Variants in TGIF1 observed in about 807,000 individuals in gnomAD.
TGIF1 encodes the protein homeobox protein TGIF1.
A neutral mutation model predicts 19.3 loss-of-function variants in TGIF1; 4 were observed. That is an observed-to-expected ratio of 0.21 (90% CI 0.10 to 0.47). The LOEUF (loss-of-function observed/expected upper bound fraction) is 0.47. TGIF1 is among the 20% of genes least tolerant of loss of function. The pLI is 0.98. For missense variants in TGIF1, 275 were observed against 341.4 expected (o/e 0.81, Z 1.53); for synonymous variants, 122 against 129.3 (o/e 0.94, Z 0.38).
At chr18:3,435,115 T>A (rs921703111) in intron 2 of TGIF1, among the ~76,000 whole-genome samples, 3 of 152,156 alleles carry the variant, frequency 2.0e-5, no homozygotes, top group African/African-American at 7.2e-5. Flanking sequence ...TTTTAAAAAC[T>A]TAAAGTACCA....
rs1234369779 is a variant in TGIF1, at chr18:3,451,904, C to G, written c.16+1399C>G. 1 of 1,500,582 alleles carries G rather than the reference C, an allele frequency of 6.7e-7. No individual in the cohort carries two copies. The highest frequency in any genetic ancestry group is 2.3e-5 in the East Asian group (1 of 43,210). 93.0% of individuals were successfully genotyped at this position (1,500,582 alleles called of 1,614,324 possible). On this transcript the variant is annotated intron_variant, in intron 1 of 2. Coordinates refer to ENST00000343820, the MANE Select transcript of TGIF1 (RefSeq NM_003244.4). This position sits in a 1 kb window ranked among gnomAD's most constrained non-coding sequence, Gnocchi z 5.4. ...AAAGCCGTGCCGACCCTTGGGAGGA[C>G]TGACAGGTCTAGAGACACGCGCTGT...
chr18:3,421,597 A>G (rs920628905), intron 2 of TGIF1, among the ~76,000 whole-genome samples: 1 of 151,598 alleles, frequency 6.6e-6, no homozygotes. Flanking sequence ...TTTTTAGTAG[A>G]GACAGGGTTT....
chr18:3,422,985 A>G (rs1048724086), intron 2 of TGIF1, among the ~76,000 whole-genome samples: 2 of 151,954 alleles, frequency 1.3e-5, no homozygotes, highest in Non-Finnish European at 2.9e-5. Context: ...CACCGCGCCC[A>G]GGCTTTTTTT....
At chr18:3,443,183 C>T (rs771716267) in intron 2 of TGIF1, among the ~76,000 whole-genome samples, 6 of 152,130 alleles carry the variant, frequency 3.9e-5, no homozygotes, top group East Asian at 1.9e-4. Context: ...GGCTGATGCG[C>T]GTATTCTATC....
At chr18:3,423,423 T>C (rs555372696) in intron 2 of TGIF1, among the ~76,000 whole-genome samples, 1 of 152,030 alleles carries the variant, frequency 6.6e-6, no homozygotes, top group South Asian at 2.1e-4. Flanking sequence ...CTCACGCTTG[T>C]AATCCCAGCA....
chr18:3,448,442 A>T (rs939942885), upstream of TGIF1: 26 of 992,906 alleles, frequency 2.6e-5, no homozygotes, highest in Non-Finnish European at 2.5e-5. Flanking sequence ...ATTCATCTGC[A>T]GCCAGGTCCG....
intron 2 of TGIF1, among the ~76,000 whole-genome samples, chr18:3,432,195 C>A (rs11663584): frequency 0.69 from 104,484 of 150,532 alleles, 36,437 homozygotes; most frequent in East Asian, 0.92. Context: ...TATATCTGTC[C>A]AAAATGCACA....
intron 2 of TGIF1, among the ~76,000 whole-genome samples, chr18:3,423,866 AAC>A (rs2082437791): frequency 6.6e-6 from 1 of 151,860 alleles, no homozygotes; most frequent in Admixed American, 6.6e-5. Context: ...AAAACAACAA[AAC>A]AAAAAAAGGC....
At chr18:3,416,718 G>C (rs2082336194) in intron 1 of TGIF1, among the ~76,000 whole-genome samples, 3 of 152,152 alleles carry the variant, frequency 2.0e-5, no homozygotes, top group Admixed American at 2.0e-4. Flanking sequence ...GATAACCTGA[G>C]GTCAGGAGTT....
intron 2 of TGIF1, among the ~76,000 whole-genome samples, chr18:3,427,118 AT>A (rs2082481391): frequency 6.6e-6 from 1 of 151,634 alleles, no homozygotes; most frequent in South Asian, 2.1e-4. Context: ...TAATTTTTGT[AT>A]TTTTAGTACA....
chr18:3,456,984 A>T lies in TGIF1; in HGVS notation c.244-381A>T, dbSNP rs2049376901. 16 of 562,850 alleles carry T rather than the reference A, an allele frequency of 2.8e-5. 1 individual carries two copies. The South Asian group carries it at 3.6e-4, about 13-fold the overall frequency. 34.9% of individuals were successfully genotyped at this position (562,850 alleles called of 1,614,324 possible). On this transcript the variant is annotated intron_variant, in intron 2 of 2. Coordinates refer to ENST00000343820, the MANE Select transcript of TGIF1 (RefSeq NM_003244.4). The surrounding 1 kb of genome is among the most constrained non-coding windows in gnomAD (Gnocchi z 4.2). The stretch of plus-strand genomic sequence containing the variant: ...GAGGAGTGGCCCTTTTCATAAGGAG[A>T]GGTTTTCCTGTAGTTGATTAACTTA...
chr18:3,438,136 T>C (rs1055147477), intron 2 of TGIF1, among the ~76,000 whole-genome samples: 1 of 152,062 alleles, frequency 6.6e-6, no homozygotes, highest in African/African-American at 2.4e-5. Flanking sequence ...TGTAGGTTGT[T>C]GTTGTATTTT....
intron 1 of TGIF1, among the ~76,000 whole-genome samples, chr18:3,450,915 C>A (rs1167106204): frequency 6.6e-6 from 1 of 152,076 alleles, no homozygotes; most frequent in Non-Finnish European, 1.5e-5. Context: ...CCCAGGCGGC[C>A]GGGGCCGCGG....
chr18:3,431,869 G>A (rs1040103859), intron 2 of TGIF1, among the ~76,000 whole-genome samples: 2 of 152,090 alleles, frequency 1.3e-5, no homozygotes, highest in African/African-American at 4.8e-5. Flanking sequence ...TGTGGCTCAC[G>A]CCTGTAATCC....
At position 3,458,024 on chromosome 18, in the gene TGIF1, T is replaced by G. The variant is rs2049420118; in HGVS notation, c.*84T>G. Reference sequence around the variant, plus strand: ...GATGAATTGCATTATTTTATATATTTTTTATTAATATTTGCACATGGGATT... The same window carrying G: ...GATGAATTGCATTATTTTATATATTGTTTATTAATATTTGCACATGGGATT... On this transcript the variant is annotated 3_prime_UTR_variant, in exon 3 of 3. Transcript: ENST00000343820. 7.8e-7 allele frequency: 1 copy of G among 1,275,148 alleles called. No individual in the cohort carries two copies. Among genetic ancestry groups the G allele is most frequent in the South Asian group, 1.3e-5 (1 of 76,472 alleles). The allele number at this position is 1,275,148 out of a possible 1,614,324, so 79.0% of individuals were successfully genotyped here.
chr18:3,424,653 C>T (rs948664890), intron 2 of TGIF1, among the ~76,000 whole-genome samples: 8 of 152,196 alleles, frequency 5.3e-5, no homozygotes, highest in African/African-American at 1.9e-4. Flanking sequence ...AGGGTAGGAA[C>T]TTTCAGCCCC....
Position 3,451,874 on chromosome 18 carries a change from C to A in TGIF1, c.16+1369C>A. 2 of 1,432,284 alleles carry A rather than the reference C, an allele frequency of 1.4e-6. No homozygotes were observed. Among genetic ancestry groups the A allele is most frequent in the East Asian group, 2.5e-5 (1 of 39,274 alleles). 88.7% of individuals were successfully genotyped at this position (1,432,284 alleles called of 1,614,324 possible). ...ACGCGCGGGGGGCGTCCGAGACGCCCCGTGAAAGCCGTGCCGACCCTTGGG... is the reference window on the plus strand; with the variant it reads ...ACGCGCGGGGGGCGTCCGAGACGCCACGTGAAAGCCGTGCCGACCCTTGGG... On this transcript the variant is annotated intron_variant, in intron 1 of 2. Coordinates refer to ENST00000343820, the MANE Select transcript of TGIF1 (RefSeq NM_003244.4). The surrounding 1 kb of genome is among the most constrained non-coding windows in gnomAD (Gnocchi z 5.4).
At chr18:3,427,493 G>C (rs1235679224) in intron 2 of TGIF1, among the ~76,000 whole-genome samples, 1 of 150,440 alleles carries the variant, frequency 6.6e-6, no homozygotes, top group East Asian at 2.0e-4. Context: ...GGTTTCCCAG[G>C]TTGGCTAGGC....
rs557649472 is a variant in TGIF1, at chr18:3,415,839, A to G, written c.-117-2304A>G. On this transcript the variant is annotated intron_variant, in intron 1 of 3. Coordinates refer to the TGIF1 transcript ENST00000401449. The stretch of plus-strand genomic sequence containing the variant: ...GGATACAACACCCGGTAGACACTAC[A>G]GAGAGATAAAGAAACACTATAGTAA... Among the ~76,000 whole-genome samples the G allele has an allele frequency of 6.6e-5, 10 of 152,316 alleles. No homozygotes were observed. The South Asian group carries it at 1.7e-3, about 25-fold the overall frequency.
Sources: allele counts gnomAD v4.1 joint callset (sites outside exome capture counted in the v4.1 genomes callset), GRCh38; gene constraint gnomAD v4.1.1; non-coding constraint Gnocchi (gnomAD v3.1); transcripts MANE v1.5; gene names NCBI Gene and HGNC (gene_info 2026-07-23, HGNC 2026-07-21).